The following DNAH12 variants were observed in gnomAD, a reference collection of about 807,000 sequenced individuals.
DNAH12 encodes the protein dynein axonemal heavy chain 12.
DNAH12 carries 285 observed loss-of-function variants against 371.5 expected under a neutral mutation model. The ratio of observed to expected loss-of-function variants is 0.77; its 90% CI spans 0.70 to 0.85. The LOEUF is 0.85. Among genes scored for constraint, DNAH12 ranks in the 40% least tolerant of loss-of-function variants. The pLI is 0.00. For synonymous variants in DNAH12, 1,200 were observed against 1,213.0 expected (o/e 0.99, Z 0.22); for missense variants, 3,611 against 3,689.4 (o/e 0.98, Z 0.55).
intron 59 of DNAH12, among the ~76,000 whole-genome samples, chr3:57,354,364 G>A (rs1007385416): frequency 4.6e-5 from 7 of 152,044 alleles, no homozygotes; most frequent in African/African-American, 1.4e-4. Context: ...GTAGGAGGAC[G>A]GTGAGGTTCA....
At chr3:57,366,222 C>T (rs1294665018) in intron 57 of DNAH12, among the ~76,000 whole-genome samples, 2 of 152,124 alleles carry the variant, frequency 1.3e-5, no homozygotes, top group African/African-American at 4.8e-5. Flanking sequence ...CACCAGTGCC[C>T]TAACAGTTTA....
At position 57,433,647 on chromosome 3, in the gene DNAH12, C is replaced by T; in HGVS notation, c.4837G>A (p.Glu1613Lys). Residue 1613 changes from glutamate (E) to lysine (K), a missense_variant and splice_region_variant, in exon 31 of 74, where the codon GAG (glutamate) becomes AAG (lysine). Physicochemically the swap from Glu to Lys is moderately conservative, Grantham distance 56. Around this residue, in one of 3 missense-constraint regions of DNAH12, gnomAD observed 2,266 missense variants for 2,236.9 expected, o/e 1.01. Coordinates refer to ENST00000495027, the MANE Select transcript of DNAH12 (RefSeq NM_001366028.2). ...LFGQFDPVSH[E>K]WTDGIVANTF... is the part of the protein sequence containing the mutation. ...GGGAATACTTATATTTAGGTTACCT[C>T]ATGAGACACTGGGTCAAACTGTCCA... 1.3e-6 allele frequency: 2 copies of T among 1,546,870 alleles called. No individual in the cohort carries two copies. Among genetic ancestry groups the T allele is most frequent in the South Asian group, 1.2e-5 (1 of 82,950 alleles).
At chr3:57,441,618 C>G (rs2065308023) in intron 29 of DNAH12, among the ~76,000 whole-genome samples, 1 of 151,966 alleles carries the variant, frequency 6.6e-6, no homozygotes, top group African/African-American at 2.4e-5. Flanking sequence ...AAAGTAAAAC[C>G]TTGTCTCTAT....
chr3:57,307,323 C>T (rs906195473), intron 69 of DNAH12, among the ~76,000 whole-genome samples: 4 of 152,168 alleles, frequency 2.6e-5, no homozygotes, highest in Non-Finnish European at 5.9e-5. Flanking sequence ...CCCCACTCCT[C>T]TTTCCATTCC....
chr3:57,384,071 T>C (rs1367809489), intron 49 of DNAH12, among the ~76,000 whole-genome samples: 3 of 152,136 alleles, frequency 2.0e-5, no homozygotes, highest in African/African-American at 4.8e-5. Context: ...TCAACAGATG[T>C]TATCTCTCCT....
intron 39 of DNAH12, among the ~76,000 whole-genome samples, chr3:57,409,865 C>A (rs566417987): frequency 6.6e-6 from 1 of 152,090 alleles, no homozygotes; most frequent in Non-Finnish European, 1.5e-5. Flanking sequence ...AACCATATCA[C>A]CATAAATTGG....
chr3:57,405,595 G>A (rs1459367406), intron 41 of DNAH12, 58 bp downstream of exon 41: 20 of 1,444,360 alleles, frequency 1.4e-5, no homozygotes, highest in Non-Finnish European at 1.8e-5. Context: ...TAACTTAATT[G>A]TAACAATTCA....
intron 13 of DNAH12, among the ~76,000 whole-genome samples, chr3:57,478,648 GA>G (rs1205791123): frequency 2.0e-5 from 3 of 152,066 alleles, no homozygotes; most frequent in African/African-American, 4.8e-5. Flanking sequence ...TGAAATGAAG[GA>G]AAAAATGTTA....
Position 57,488,383 on chromosome 3 carries a change from G to A in DNAH12, c.1514+1126C>T, listed in dbSNP as rs574850887. 1.3e-4 allele frequency among the ~76,000 whole-genome samples: 20 copies of A among 152,054 alleles called. No homozygotes were observed. The East Asian group carries it at 3.3e-3, about 25-fold the overall frequency. ...AATTTTTTGTATTTTTAGTAGAGACGGGGTTTCACCATGTTGGCCAGGCTG... is the reference window on the plus strand; with the variant it reads ...AATTTTTTGTATTTTTAGTAGAGACAGGGTTTCACCATGTTGGCCAGGCTG... On this transcript the variant is annotated intron_variant, in intron 12 of 73. Coordinates refer to ENST00000495027, the MANE Select transcript of DNAH12 (RefSeq NM_001366028.2).
rs782276314 is a variant in DNAH12, at chr3:57,352,117, T to A, written c.9642A>T (p.Leu3214Phe). 5.0e-5 allele frequency: 77 copies of A among 1,529,070 alleles called. No individual in the cohort carries two copies. The highest frequency in any genetic ancestry group is 1.7e-4 in the Middle Eastern group (1 of 5,958). The allele number at this position is 1,529,070 out of a possible 1,614,324, so 94.7% of individuals were successfully genotyped here. A position where few individuals can be genotyped will look rare whatever the true frequency, so the allele number is the denominator to read the frequency against. Residue 3214 changes from leucine (L) to phenylalanine (F), a missense_variant, in exon 60 of 74, where the codon TTA (leucine) becomes TTT (phenylalanine). Physicochemically the swap from Leu to Phe is conservative, Grantham distance 22. Coordinates refer to ENST00000495027, the MANE Select transcript of DNAH12 (RefSeq NM_001366028.2). Reference protein sequence around the residue: ...CRSLFEKDKLLFSFLLCANLL... With the variant: ...CRSLFEKDKLFFSFLLCANLL... Reference sequence around the variant, plus strand: ...GATTGGCACATAATAAAAAGGAAAATAACAGCTTGTCCTTCTCAAATAGTG... The same window carrying A: ...GATTGGCACATAATAAAAAGGAAAAAAACAGCTTGTCCTTCTCAAATAGTG...
intron 62 of DNAH12, among the ~76,000 whole-genome samples, chr3:57,331,953 T>C (rs2062107989): frequency 6.6e-6 from 1 of 152,066 alleles, no homozygotes; most frequent in South Asian, 2.1e-4. Context: ...AGCAAGAATT[T>C]TGTTAGGTCA....
intron 32 of DNAH12, among the ~76,000 whole-genome samples, chr3:57,430,710 C>A (rs1575591328): frequency 6.6e-6 from 1 of 152,054 alleles, no homozygotes; most frequent in South Asian, 2.1e-4. Context: ...ATTACTAAGT[C>A]TTTTAAATTC....
rs562481217 is a variant in DNAH12, at chr3:57,531,988, T to G, written c.171-8104A>C. On this transcript the variant is annotated intron_variant, in intron 2 of 73. Transcript: ENST00000495027. ...ACTCTTAGATTTGCCCTTTGGAGGC[T>G]ATTTTCTAGATCTTGTAGGCATGTT... Among the ~76,000 whole-genome samples, 13 of 152,290 alleles carry G rather than the reference T, an allele frequency of 8.5e-5. No individual in the cohort carries two copies. The South Asian group carries it at 2.7e-3, about 32-fold the overall frequency.
At chr3:57,446,333 A>C in intron 26 of DNAH12, 63 bp from the exon 27 acceptor site, 1 of 1,493,032 alleles carries the variant, frequency 6.7e-7, no homozygotes, top group Non-Finnish European at 9.0e-7. Context: ...TCTTAAAACA[A>C]ATACCTAATA....
chr3:57,460,712 A>C (rs1455176033), intron 19 of DNAH12, among the ~76,000 whole-genome samples: 2 of 152,178 alleles, frequency 1.3e-5, no homozygotes, highest in African/African-American at 4.8e-5. Flanking sequence ...TAAAACAATA[A>C]ATAAATCTTC....
At chr3:57,447,988 T>A (rs1485385848) in intron 25 of DNAH12, among the ~76,000 whole-genome samples, 1 of 152,176 alleles carries the variant, frequency 6.6e-6, no homozygotes, top group Non-Finnish European at 1.5e-5. Flanking sequence ...CTATTTTAAA[T>A]TTATAATGGA....
rs1393606708 is a variant in DNAH12 at position 57,468,798 on chromosome 3, G to A, written c.2287C>T (p.Pro763Ser). The A allele has an allele frequency of 4.6e-6, 7 of 1,533,734 alleles. No homozygotes were observed. The highest frequency in any genetic ancestry group is 5.3e-6 in the Non-Finnish European group (6 of 1,142,832). ...SLEEEKIEEE[P>S]KDNATITMCS... is the part of the protein sequence containing the mutation. ...ATAGTAATAGTAGCATTGTCTTTTG[G>A]TTCTTCTTCAATTTTCTCTTCTTCC... Residue 763 changes from proline (P) to serine (S), a missense_variant, in exon 17 of 74, where the codon CCA (proline) becomes TCA (serine). Pro to Ser is a moderately conservative substitution (Grantham distance 74, BLOSUM62 -1). Around this residue, in one of 3 missense-constraint regions of DNAH12, gnomAD observed 1,314 missense variants for 1,398.7 expected, o/e 0.94. Transcript: ENST00000495027.
At chr3:57,499,675 T>C (rs1324034697) in intron 11 of DNAH12, among the ~76,000 whole-genome samples, 1 of 87,856 alleles carries the variant, frequency 1.1e-5, no homozygotes, top group African/African-American at 4.5e-5. Context: ...TATATATATA[T>C]ACTTCTTAAA....
At chr3:57,467,731 C>T (rs1329795613) in intron 17 of DNAH12, among the ~76,000 whole-genome samples, 1 of 152,086 alleles carries the variant, frequency 6.6e-6, no homozygotes, top group Non-Finnish European at 1.5e-5. Flanking sequence ...CTTCTACTGC[C>T]TTTCTTGGGC....
Sources: allele counts gnomAD v4.1 joint callset (sites outside exome capture counted in the v4.1 genomes callset), GRCh38; gene constraint gnomAD v4.1.1; regional missense constraint gnomAD v4.1.1; transcripts MANE v1.5; gene names NCBI Gene and HGNC (gene_info 2026-07-23, HGNC 2026-07-21).